POU6F2: variants seen among roughly 807,000 people sequenced by gnomAD.
POU6F2 encodes POU domain, class 6, transcription factor 2.
A neutral mutation model predicts 71.3 loss-of-function variants in POU6F2; 31 were observed. That is an observed-to-expected ratio of 0.43 (90% CI 0.33 to 0.59). The LOEUF is 0.59. POU6F2 is among the 20% of genes least tolerant of loss of function. The pLI is 0.04. For synonymous variants in POU6F2, 347 were observed against 355.7 expected (o/e 0.98, Z 0.27); for missense variants, 783 against 856.8 (o/e 0.91, Z 1.07).
intron 4 of POU6F2, among the ~76,000 whole-genome samples, chr7:39,276,209 AAAAC>A (rs1167672278): frequency 3.3e-5 from 5 of 151,282 alleles, no homozygotes; most frequent in Admixed American, 6.6e-5. Context: ...TTACAAGAAA[AAAAC>A]AAACAACCCC....
At chr7:39,385,242 T>C (rs553241774) in intron 5 of POU6F2, among the ~76,000 whole-genome samples, 2 of 152,338 alleles carry the variant, frequency 1.3e-5, no homozygotes, top group South Asian at 4.1e-4. Flanking sequence ...AAATCTCAAA[T>C]CTTTGCAATG....
chr7:39,006,570 A>G (rs1789077847), intron 1 of POU6F2, among the ~76,000 whole-genome samples: 1 of 152,218 alleles, frequency 6.6e-6, no homozygotes, highest in African/African-American at 2.4e-5. Context: ...AGATAAAGTC[A>G]GAGAGCTGAC....
chr7:39,277,027 A>G (rs1386782542), intron 4 of POU6F2, among the ~76,000 whole-genome samples: 1 of 152,146 alleles, frequency 6.6e-6, no homozygotes, highest in Non-Finnish European at 1.5e-5. Flanking sequence ...CATTGTGCAC[A>G]TGTACCCTAA....
intron 8 of POU6F2, among the ~76,000 whole-genome samples, chr7:39,453,738 G>C (rs533198487): frequency 2.6e-5 from 4 of 152,326 alleles, no homozygotes; most frequent in African/African-American, 9.6e-5. Flanking sequence ...ACAGTAGCCA[G>C]TGGGACATAT....
intron 7 of POU6F2, among the ~76,000 whole-genome samples, chr7:39,449,574 A>C (rs958998472): frequency 6.6e-6 from 1 of 152,152 alleles, no homozygotes; most frequent in South Asian, 2.1e-4. Flanking sequence ...TTATAGTATG[A>C]TCCAATAGTT....
intron 1 of POU6F2, among the ~76,000 whole-genome samples, chr7:39,064,901 A>C (rs1790726964): frequency 6.6e-6 from 1 of 151,904 alleles, no homozygotes; most frequent in African/African-American, 2.4e-5. Context: ...ACATCAAATA[A>C]CAAGACTTAA....
chr7:39,189,325 G>T lies in POU6F2; in HGVS notation c.278-14910G>T, dbSNP rs994485977. On this transcript the variant is annotated intron_variant, in intron 2 of 9. Transcript: ENST00000518318. ...GTCACTCATTCTGACTGATATGAGT[G>T]CAAAGTGTTCTTTTATCAAATAGTT... 2.0e-5 allele frequency among the ~76,000 whole-genome samples: 3 copies of T among 152,296 alleles called. No individual in the cohort carries two copies. The East Asian group carries it at 5.8e-4, about 29-fold the overall frequency.
intron 2 of POU6F2, among the ~76,000 whole-genome samples, chr7:39,113,009 G>A (rs989453814): frequency 2.0e-5 from 3 of 151,864 alleles, no homozygotes; most frequent in Admixed American, 6.6e-5. Context: ...AAACTCACAC[G>A]AATATCTTGA....
chr7:39,421,458 C>T (rs752226836), intron 6 of POU6F2, among the ~76,000 whole-genome samples: 21 of 152,276 alleles, frequency 1.4e-4, no homozygotes, highest in African/African-American at 4.1e-4. Flanking sequence ...GCACTTGGCA[C>T]GCTTCGTTCC....
At chr7:39,320,414 C>A (rs1253584241) in intron 4 of POU6F2, among the ~76,000 whole-genome samples, 5 of 152,066 alleles carry the variant, frequency 3.3e-5, no homozygotes, top group African/African-American at 1.2e-4. Context: ...CTGAAATTCC[C>A]TGAGAAATTA....
intron 4 of POU6F2, among the ~76,000 whole-genome samples, chr7:39,246,458 A>T (rs73380916): frequency 0.025 from 3,730 of 152,234 alleles, 89 homozygotes; most frequent in African/African-American, 0.065. Context: ...GCGACTTTTA[A>T]GGAACATTAG....
chr7:39,220,647 A>T (rs770796203), intron 4 of POU6F2, among the ~76,000 whole-genome samples: 5 of 152,078 alleles, frequency 3.3e-5, no homozygotes, highest in African/African-American at 4.8e-5. Context: ...TGTGAATCAC[A>T]CTGACCAGAT....
At chr7:39,324,142 G>A (rs987463563) in intron 4 of POU6F2, among the ~76,000 whole-genome samples, 1 of 151,274 alleles carries the variant, frequency 6.6e-6, no homozygotes, top group African/African-American at 2.4e-5. Flanking sequence ...GGCTCTTGCA[G>A]TGATGCAGAC....
intron 4 of POU6F2, among the ~76,000 whole-genome samples, chr7:39,236,382 A>C (rs149816438): frequency 4.1e-4 from 62 of 152,276 alleles, no homozygotes; most frequent in African/African-American, 1.4e-3. Flanking sequence ...ATTGGTAATA[A>C]TGGAAACGTA....
At chr7:39,325,201 A>G in intron 4 of POU6F2, among the ~76,000 whole-genome samples, 1 of 151,960 alleles carries the variant, frequency 6.6e-6, no homozygotes, top group East Asian at 1.9e-4. Flanking sequence ...CTATATCTCA[A>G]AATATAAAAA....
At chr7:39,415,228 G>T (rs1413720492) in intron 6 of POU6F2, among the ~76,000 whole-genome samples, 1 of 152,150 alleles carries the variant, frequency 6.6e-6, no homozygotes, top group Non-Finnish European at 1.5e-5. Flanking sequence ...TCACCATGTT[G>T]TCCAGGCTGG....
rs574902622 is a variant in POU6F2 at position 39,342,029 on chromosome 7, A to G, written c.972+2014A>G. Among the ~76,000 whole-genome samples the G allele has an allele frequency of 1.4e-4, 22 of 152,310 alleles. No homozygotes were observed. The South Asian group carries it at 3.7e-3, about 26-fold the overall frequency. ...CTTTGTAACACTGAGAGAATATTCT[A>G]ATTTTTCATTTTTGAAGTTTTAACT... On this transcript the variant is annotated intron_variant, in intron 5 of 9. Transcript: ENST00000518318.
intron 4 of POU6F2, among the ~76,000 whole-genome samples, chr7:39,316,485 T>A (rs1785271164): frequency 6.6e-6 from 1 of 152,160 alleles, no homozygotes. Context: ...CTGAGCCCCC[T>A]GAGTTTTCAC....
At chr7:39,389,467 G>C (rs1197159057) in intron 5 of POU6F2, among the ~76,000 whole-genome samples, 2 of 152,110 alleles carry the variant, frequency 1.3e-5, no homozygotes, top group East Asian at 3.9e-4. Context: ...GATATAACCA[G>C]ACCAACAGTT....
Sources: gnomAD v4.1 joint callset for allele counts (sites outside exome capture counted in the v4.1 genomes callset) on GRCh38, gnomAD v4.1.1 for gene constraint, MANE v1.5 for transcripts, NCBI Gene and HGNC (gene_info 2026-07-23, HGNC 2026-07-21) for gene names.